Variants in NAV2 observed in about 807,000 individuals in gnomAD.
NAV2 encodes the protein helicase, APC down-regulated 1.
NAV2 carries 54 observed loss-of-function variants against 223.2 expected under a neutral mutation model. That is an observed-to-expected ratio of 0.24 (90% confidence interval 0.19 to 0.30). The LOEUF is 0.30. Among genes scored for constraint, NAV2 ranks in the 10% least tolerant of loss-of-function variants. The pLI is 1.00. For missense variants in NAV2, 2,806 were observed against 3,147.5 expected (o/e 0.89, Z 2.60); for synonymous variants, 1,279 against 1,239.3 (o/e 1.03, Z -0.67).
chr11:19,889,471 T>C (rs7929979), intron 5 of NAV2, among the ~76,000 whole-genome samples: 9,614 of 151,978 alleles, frequency 0.063, 963 homozygotes, highest in African/African-American at 0.21. Context: ...GTAGAGGCGA[T>C]AGTGGTCAAG....
intron 1 of NAV2, among the ~76,000 whole-genome samples, chr11:19,463,001 G>A (rs999464537): frequency 6.6e-6 from 1 of 152,208 alleles, no homozygotes; most frequent in Non-Finnish European, 1.5e-5. Flanking sequence ...TTCTTCGATA[G>A]TAACTGAGCT....
chr11:19,494,449 T>A (rs951931827), intron 1 of NAV2, among the ~76,000 whole-genome samples: 4 of 152,234 alleles, frequency 2.6e-5, no homozygotes, highest in Non-Finnish European at 5.9e-5. Context: ...GAAAGGCTGA[T>A]ATGCCATTTA....
At chr11:19,595,055 G>A (rs1345161720) in intron 1 of NAV2, among the ~76,000 whole-genome samples, 1 of 152,180 alleles carries the variant, frequency 6.6e-6, no homozygotes, top group East Asian at 1.9e-4. Flanking sequence ...TGAGAGAACA[G>A]GGAAGTGAGA....
At chr11:19,965,325 A>G (rs1777870612) in intron 10 of NAV2, among the ~76,000 whole-genome samples, 1 of 152,088 alleles carries the variant, frequency 6.6e-6, no homozygotes, top group Non-Finnish European at 1.5e-5. Flanking sequence ...CTGTGTACAC[A>G]TGTCTAAAAT....
chr11:19,998,711 C>G lies in NAV2; in HGVS notation c.2768+14464C>G, dbSNP rs1002624681. 2.6e-5 allele frequency among the ~76,000 whole-genome samples: 4 copies of G among 151,182 alleles called. No homozygotes were observed. The highest frequency in any genetic ancestry group is 2.0e-4 in the East Asian group (1 of 5,114). ...CTCTGCATAGACTGTGCTTCCCCCC[C>G]TCTCTCCTTTTCTCCTTATAAGCCT... On this transcript the variant is annotated intron_variant, in intron 11 of 37. Transcript: ENST00000349880. This position sits in a 1 kb window ranked among gnomAD's most constrained non-coding sequence, Gnocchi z 5.0.
intron 1 of NAV2, among the ~76,000 whole-genome samples, chr11:19,392,744 G>A (rs2702662): frequency 0.31 from 47,428 of 152,054 alleles, 7,870 homozygotes; most frequent in East Asian, 0.45. Context: ...ATAATTTGCA[G>A]CCATGCTTAA....
intron 1 of NAV2, among the ~76,000 whole-genome samples, chr11:19,512,235 G>T (rs1488279296): frequency 1.3e-5 from 2 of 152,232 alleles, no homozygotes; most frequent in Non-Finnish European, 2.9e-5. Context: ...GCTGTAGGAA[G>T]GGTGGCAGTT....
At chr11:19,605,463 A>G (rs1388110725) in intron 1 of NAV2, among the ~76,000 whole-genome samples, 1 of 151,924 alleles carries the variant, frequency 6.6e-6, no homozygotes, top group Non-Finnish European at 1.5e-5. Context: ...TTAAAAACAT[A>G]TACTGCAGGA....
chr11:20,038,266 A>G (rs951763287), intron 12 of NAV2, among the ~76,000 whole-genome samples: 3 of 152,198 alleles, frequency 2.0e-5, no homozygotes, highest in African/African-American at 7.2e-5. Flanking sequence ...CTGCACAAAC[A>G]TGCCTTTTGA....
intron 1 of NAV2, among the ~76,000 whole-genome samples, chr11:19,369,363 A>T (rs1848394440): frequency 6.6e-6 from 1 of 152,230 alleles, no homozygotes; most frequent in Non-Finnish European, 1.5e-5. Context: ...TCAGATTAAT[A>T]ATCTAAAAAC....
rs556003341 is a variant in NAV2 at position 19,779,993 on chromosome 11, T to C, written c.268-52491T>C. Among the ~76,000 whole-genome samples, 3 of 152,334 alleles carry C rather than the reference T, an allele frequency of 2.0e-5. No homozygotes were observed. In the East Asian group the frequency reaches 5.8e-4, roughly 29 times the overall value. ...TATCACTGATGCACTTCAATAAACA[T>C]GAAATCAGTTAACCCACAGCTTGAA... On this transcript the variant is annotated intron_variant, in intron 1 of 37. Coordinates refer to ENST00000349880, the MANE Select transcript of NAV2 (RefSeq NM_145117.5).
chr11:19,899,222 GAGCC>G (rs1181924022), intron 6 of NAV2, among the ~76,000 whole-genome samples: 1 of 152,208 alleles, frequency 6.6e-6, no homozygotes, highest in Non-Finnish European at 1.5e-5. Flanking sequence ...CAGAAGAGAA[GAGCC>G]AGACATGGCT....
intron 1 of NAV2, among the ~76,000 whole-genome samples, chr11:19,561,005 T>C (rs1179445521): frequency 6.6e-6 from 1 of 152,248 alleles, no homozygotes; most frequent in East Asian, 1.9e-4. Context: ...ATATGTGCAA[T>C]GTTTTCCAAA....
chr11:20,019,610 T>TAGTTAG (rs1277179322), intron 11 of NAV2, among the ~76,000 whole-genome samples: 1 of 151,876 alleles, frequency 6.6e-6, no homozygotes, highest in Admixed American at 6.6e-5. Flanking sequence ...TGAGAAGTTA[T>TAGTTAG]AGTTAGAGAA....
intron 1 of NAV2, among the ~76,000 whole-genome samples, chr11:19,614,181 T>C (rs1043049503): frequency 2.6e-5 from 4 of 152,086 alleles, no homozygotes; most frequent in African/African-American, 9.7e-5. Context: ...GAAGTTGATG[T>C]GGAAGCCCAG....
chr11:19,781,651 C>G (rs1369007972), intron 1 of NAV2, among the ~76,000 whole-genome samples: 2 of 152,096 alleles, frequency 1.3e-5, no homozygotes, highest in Non-Finnish European at 2.9e-5. Flanking sequence ...AGGGCTCTGT[C>G]TGCTTCCCTG....
intron 5 of NAV2, among the ~76,000 whole-genome samples, chr11:19,884,807 A>G (rs1390131224): frequency 6.6e-6 from 1 of 151,302 alleles, no homozygotes; most frequent in Non-Finnish European, 1.5e-5. Context: ...GTTGTTGTTA[A>G]AATTACTAAT....
Position 19,713,922 on chromosome 11 carries a change from T to G in NAV2, c.227T>G (p.Leu76Arg). Reference sequence around the variant, plus strand: ...GAGCCAGCGGGGGAGGGGCTCCCGCTGCGGAAGAGCGGCTCGGTGGAAAAC... The same window carrying G: ...GAGCCAGCGGGGGAGGGGCTCCCGCGGCGGAAGAGCGGCTCGGTGGAAAAC... ...LQEPAGEGLP[L>R]RKSGSVENGF... Residue 76 changes from leucine to arginine, a missense_variant, in exon 1 of 38, where the codon CTG becomes CGG. Transcript: ENST00000349880. The surrounding 1 kb of genome is among the most constrained non-coding windows in gnomAD (Gnocchi z 7.2). 4 of 1,613,468 alleles carry G rather than the reference T, an allele frequency of 2.5e-6. No individual in the cohort carries two copies. The highest frequency in any genetic ancestry group is 3.4e-6 in the Non-Finnish European group (4 of 1,179,954).
intron 19 of NAV2, among the ~76,000 whole-genome samples, chr11:20,060,676 G>A (rs537891837): frequency 1.2e-4 from 19 of 152,336 alleles, no homozygotes; most frequent in Admixed American, 7.2e-4. Context: ...GGCAGTCTGC[G>A]AAATGAGGAA....
Sources: allele counts gnomAD v4.1 joint callset (sites outside exome capture counted in the v4.1 genomes callset), GRCh38; gene constraint gnomAD v4.1.1; non-coding constraint Gnocchi (gnomAD v3.1); transcripts MANE v1.5; gene names NCBI Gene and HGNC (gene_info 2026-07-23, HGNC 2026-07-21).